Variants in SLC25A30 observed in about 807,000 individuals in gnomAD.
SLC25A30 encodes the protein solute carrier family 25 member 30.
In SLC25A30, 29 loss-of-function variants were observed where a neutral mutation model predicts 42.7. The observed-to-expected ratio is 0.68, with a 90% CI of 0.51 to 0.93. The LOEUF is 0.93. Ranked by LOEUF, SLC25A30 falls within the 40% of genes least tolerant of loss-of-function variation. SLC25A30 has a pLI of 0.00. For synonymous variants in SLC25A30, 124 were observed against 131.0 expected (o/e 0.95, Z 0.37); for missense variants, 300 against 359.7 (o/e 0.83, Z 1.34).
At chr13:45,404,540 C>A (rs9534140) in intron 4 of SLC25A30, 128 bp from the exon 5 acceptor site, 2 of 684,486 alleles carry the variant, frequency 2.9e-6, no homozygotes, top group African/African-American at 1.8e-5. Context: ...TGCTTCAGGC[C>A]GGGCATGGTA....
chr13:45,431,991 C>T, the SLC25A30 span, among the ~76,000 whole-genome samples: 1 of 151,902 alleles, frequency 6.6e-6, no homozygotes. Context: ...ATCTCAGGGC[C>T]GGGTGCAGTG....
chr13:45,409,044 C>T lies in SLC25A30; in HGVS notation c.95G>A (p.Arg32Gln), dbSNP rs548561020. The change falls in exon 3 of 10, where the codon CGG becomes CAG. Residue 32 changes from arginine (R) to glutamine (Q), a missense_variant. Physicochemically the swap from Arg to Gln is conservative, Grantham distance 43 (BLOSUM62 1). Coordinates refer to ENST00000519676, the MANE Select transcript of SLC25A30 (RefSeq NM_001010875.4). Reference protein sequence around the residue: ...GTFPIDLTKTRLQIQGQTNDA... With the variant: ...GTFPIDLTKTQLQIQGQTNDA... The stretch of plus-strand genomic sequence containing the variant: ...ATTCGTCTGGCCTTGAATCTGGAGC[C>T]GTGTCTTGGTTAAATCAATTGGAAA... The T allele has an allele frequency of 3.6e-5, 58 of 1,609,388 alleles. No individual in the cohort carries two copies. Among genetic ancestry groups the T allele is most frequent in the South Asian group, 8.9e-5 (8 of 89,952 alleles).
chr13:45,428,521 T>C, the SLC25A30 span, among the ~76,000 whole-genome samples: 96 of 79,712 alleles, frequency 1.2e-3, 1 homozygote, highest in Non-Finnish European at 1.9e-3. Flanking sequence ...TTTTAACTTT[T>C]TTTTTTTTTT....
chr13:45,400,947 A>G (rs1168107708), intron 7 of SLC25A30, 136 bp downstream of exon 7: 1 of 663,918 alleles, frequency 1.5e-6, no homozygotes, highest in African/African-American at 1.8e-5. Context: ...ACAGCTGCCT[A>G]TGTAGAGGAA....
At chr13:45,431,635 C>T in the SLC25A30 span, among the ~76,000 whole-genome samples, 1 of 150,450 alleles carries the variant, frequency 6.6e-6, no homozygotes, top group East Asian at 2.0e-4. Flanking sequence ...CTGCCCACCT[C>T]GGCCTCCCAA....
intron 3 of SLC25A30, 83 bp downstream of exon 3, chr13:45,408,834 CTTTTTACTTG>C: frequency 8.3e-7 from 1 of 1,201,340 alleles, no homozygotes; most frequent in Non-Finnish European, 1.1e-6. Context: ...ACACCTCAAA[CTTTTTACTTG>C]TGATCTGTGC....
At chr13:45,397,093 C>A (rs557233642) in intron 9 of SLC25A30, 165 bp downstream of exon 9, 1 of 614,364 alleles carries the variant, frequency 1.6e-6, no homozygotes, top group African/African-American at 1.9e-5. Context: ...AGCACGGAGA[C>A]TTTACACTTC....
In SLC25A30 at chr13:45,395,570, G is replaced by C. The variant is rs76523926; in HGVS notation, c.*404C>G. On this transcript the variant is annotated 3_prime_UTR_variant, in exon 10 of 10. Transcript: ENST00000519676. ...CAGAAACCATAACACCTTCTCGGAG[G>C]CTCCATTCCATGGTTCCAGTGAGCT... The C allele has an allele frequency of 6.5e-4, 706 of 1,081,808 alleles. 9 individuals carry two copies. The South Asian group carries it at 0.013, about 21-fold the overall frequency. 67.0% of individuals were successfully genotyped at this position (1,081,808 alleles called of 1,614,324 possible).
At chr13:45,418,386 T>C (rs575566828), upstream of SLC25A30, 1 of 152,120 alleles carries the variant, frequency 6.6e-6, no homozygotes, top group Admixed American at 6.5e-5. Context: ...AAAAATGCCG[T>C]CGCGGGCGGG....
chr13:45,398,130 A>G (rs139228837), intron 8 of SLC25A30: 36,369 of 839,100 alleles, frequency 0.043, 913 homozygotes, highest in Non-Finnish European at 0.049. Flanking sequence ...CCCTGTAGCC[A>G]TAAAAAAGAA....
At chr13:45,398,680 T>C (rs1486969814) in intron 8 of SLC25A30, 5 of 307,844 alleles carry the variant, frequency 1.6e-5, no homozygotes, top group Non-Finnish European at 2.4e-5. Context: ...AGGAAGAAAG[T>C]ACATTTTGGA....
Position 45,393,997 on chromosome 13 carries a change from A to T in SLC25A30, c.*1977T>A, listed in dbSNP as rs1196526676. 2.0e-6 allele frequency: 2 copies of T among 984,912 alleles called. No individual in the cohort carries two copies. Among genetic ancestry groups the T allele is most frequent in the Non-Finnish European group, 2.4e-6 (2 of 829,532 alleles). 61.0% of individuals were successfully genotyped at this position (984,912 alleles called of 1,614,324 possible). A position where few individuals can be genotyped will look rare whatever the true frequency, so the allele number is the denominator to read the frequency against. The stretch of plus-strand genomic sequence containing the variant: ...AAAAGTAAAATTTTTCTACATTAAA[A>T]AAAGAGCATTTCAAGAAAAGCAATC... On this transcript the variant is annotated 3_prime_UTR_variant, in exon 10 of 10. Transcript: ENST00000519676.
chr13:45,406,264 G>A (rs1418956308), intron 3 of SLC25A30, among the ~76,000 whole-genome samples: 1 of 152,092 alleles, frequency 6.6e-6, no homozygotes, highest in Non-Finnish European at 1.5e-5. Flanking sequence ...TGTATTTTTA[G>A]TAGAGACGGG....
At chr13:45,409,313 A>ATT in intron 2 of SLC25A30, among the ~76,000 whole-genome samples, 1 of 152,336 alleles carries the variant, frequency 6.6e-6, no homozygotes, top group South Asian at 2.1e-4. Context: ...ACCTCATCTT[A>ATT]TTCTACACAG....
Position 45,404,423 on chromosome 13 carries a change from TG to T in SLC25A30, c.308-12del. On this transcript the variant is annotated splice_polypyrimidine_tract_variant and intron_variant, in intron 4 of 9. Transcript: ENST00000519676. Reference sequence around the variant, plus strand: ...TCGGTAGAGTTTCATCTGTAAACAATGACACATTATTTGACTCTACATATTT... The same window carrying T: ...TCGGTAGAGTTTCATCTGTAAACAATACACATTATTTGACTCTACATATTT... 1 of 1,590,396 alleles carries T rather than the reference TG, an allele frequency of 6.3e-7. No individual in the cohort carries two copies. The highest frequency in any genetic ancestry group is 2.2e-5 in the East Asian group (1 of 44,754).
intron 5 of SLC25A30, chr13:45,402,952 T>C (rs1363420148): frequency 7.1e-6 from 2 of 282,128 alleles, no homozygotes; most frequent in Non-Finnish European, 1.1e-5. Flanking sequence ...GAATGTTTGA[T>C]GTAGCTCTTT....
the SLC25A30 span, among the ~76,000 whole-genome samples, chr13:45,424,078 AAT>A: frequency 2.4e-3 from 228 of 96,852 alleles, 4 homozygotes; most frequent in East Asian, 0.037. Context: ...TATTTATATA[AAT>A]ATATATAAAT....
intron 2 of SLC25A30, among the ~76,000 whole-genome samples, chr13:45,409,790 C>G (rs547473051): frequency 6.6e-6 from 1 of 152,312 alleles, no homozygotes; most frequent in South Asian, 2.1e-4. Flanking sequence ...GACAGGGTGA[C>G]AGAGTGAGAC....
chr13:45,400,991 C>T, intron 7 of SLC25A30, 92 bp downstream of exon 7: 1 of 1,158,862 alleles, frequency 8.6e-7, no homozygotes, highest in Non-Finnish European at 1.2e-6. Context: ...TTCACTTCTG[C>T]ATTGCAACTT....
Sources: allele counts gnomAD v4.1 joint callset (sites outside exome capture counted in the v4.1 genomes callset), GRCh38; gene constraint gnomAD v4.1.1; transcripts MANE v1.5; gene names NCBI Gene and HGNC (gene_info 2026-07-23, HGNC 2026-07-21).